ANGPT1: variants seen among roughly 807,000 people sequenced by gnomAD.
ANGPT1 encodes angiopoietin-1.
ANGPT1 carries 17 observed loss-of-function variants against 62.2 expected under a neutral mutation model. The observed-to-expected ratio is 0.27, with a 90% confidence interval of 0.19 to 0.41. ANGPT1 has a LOEUF of 0.41. Among genes scored for constraint, ANGPT1 ranks in the 10% least tolerant of loss-of-function variants. ANGPT1 has a pLI of 1.00. For synonymous variants in ANGPT1, 199 were observed against 198.9 expected (o/e 1.00, Z 0.00); for missense variants, 478 against 594.9 (o/e 0.80, Z 2.04).
chr8:107,470,426 G>C (rs1479805289), intron 1 of ANGPT1, among the ~76,000 whole-genome samples: 2 of 152,032 alleles, frequency 1.3e-5, no homozygotes, highest in Non-Finnish European at 2.9e-5. Context: ...GAATACATCA[G>C]ATTATAGCTA....
At chr8:107,481,912 G>A (rs1331731672) in intron 1 of ANGPT1, among the ~76,000 whole-genome samples, 1 of 152,060 alleles carries the variant, frequency 6.6e-6, no homozygotes, top group African/African-American at 2.4e-5. Flanking sequence ...CAACACGTGG[G>A]GATTATAGGA....
chr8:107,429,106 G>C (rs148428122), intron 1 of ANGPT1, among the ~76,000 whole-genome samples: 2 of 152,176 alleles, frequency 1.3e-5, no homozygotes, highest in Admixed American at 6.5e-5. Flanking sequence ...ACGCTTAAGG[G>C]AATGGATAAC....
At chr8:107,473,231 T>A (rs1812410048) in intron 1 of ANGPT1, among the ~76,000 whole-genome samples, 1 of 152,084 alleles carries the variant, frequency 6.6e-6, no homozygotes, top group African/African-American at 2.4e-5. Flanking sequence ...CAGAACCAGG[T>A]TTCTATTCAA....
chr8:107,338,020 T>TG (rs1815607496), intron 2 of ANGPT1, among the ~76,000 whole-genome samples: 1 of 152,082 alleles, frequency 6.6e-6, no homozygotes, highest in Non-Finnish European at 1.5e-5. Context: ...CACTTGGGCC[T>TG]GGCAGGCAGA....
chr8:107,333,968 AG>A lies in ANGPT1; in HGVS notation c.575+2181del, dbSNP rs1303356376. Among the ~76,000 whole-genome samples the A allele has an allele frequency of 1.0e-4, 10 of 99,844 alleles. No homozygotes were observed. In the East Asian group the frequency reaches 3.6e-3, roughly 36 times the overall value. The allele number at this position is 99,844 out of a possible 152,430, so 65.5% of individuals were successfully genotyped here. On this transcript the variant is annotated intron_variant, in intron 3 of 8. Coordinates refer to ENST00000517746, the MANE Select transcript of ANGPT1 (RefSeq NM_001146.5). The stretch of plus-strand genomic sequence containing the variant: ...AAAAAGAAAGAAAGAAAAGAAAGAA[AG>A]AAAGGAGGGAGGGAGGGAGGGAGGG...
chr8:107,389,664 A>T (rs1215842458), intron 1 of ANGPT1, among the ~76,000 whole-genome samples: 4 of 152,168 alleles, frequency 2.6e-5, no homozygotes, highest in African/African-American at 9.7e-5. Flanking sequence ...ATATAACAAA[A>T]ACAATTATAT....
chr8:107,468,754 G>A (rs1812271465), intron 1 of ANGPT1, among the ~76,000 whole-genome samples: 1 of 152,026 alleles, frequency 6.6e-6, no homozygotes, highest in African/African-American at 2.4e-5. Flanking sequence ...CAGGAGGCCT[G>A]TTGTAAGTGG....
chr8:107,300,795 A>G (rs1395077889), intron 5 of ANGPT1, among the ~76,000 whole-genome samples: 4 of 151,970 alleles, frequency 2.6e-5, no homozygotes, highest in Non-Finnish European at 1.5e-5. Context: ...AAGAAAACCC[A>G]AAAACTCCAT....
chr8:107,333,980 G>A (rs59336428), intron 3 of ANGPT1, among the ~76,000 whole-genome samples: 1 of 69,238 alleles, frequency 1.4e-5, no homozygotes, highest in African/African-American at 6.4e-5. Context: ...AAAGGAGGGA[G>A]GGAGGGAGGG....
chr8:107,350,500 C>T (rs1815909492), intron 1 of ANGPT1, among the ~76,000 whole-genome samples: 1 of 152,052 alleles, frequency 6.6e-6, no homozygotes, highest in African/African-American at 2.4e-5. Flanking sequence ...AGCTGTTGAC[C>T]ATTCTGTACT....
At chr8:107,253,055 G>T (rs117838730) in intron 8 of ANGPT1, among the ~76,000 whole-genome samples, 232 of 152,298 alleles carry the variant, frequency 1.5e-3, no homozygotes, top group Non-Finnish European at 2.8e-3. Flanking sequence ...ATGGAGAAAA[G>T]CTAGTTCTCA....
intron 1 of ANGPT1, among the ~76,000 whole-genome samples, chr8:107,370,293 A>G (rs562627530): frequency 1.3e-5 from 1 of 74,864 alleles, no homozygotes; most frequent in Admixed American, 1.9e-4. Context: ...AAAGAAAAGG[A>G]AAGAAGAAAG....
intron 1 of ANGPT1, among the ~76,000 whole-genome samples, chr8:107,409,737 T>C (rs1219336154): frequency 2.0e-5 from 3 of 152,118 alleles, no homozygotes; most frequent in African/African-American, 7.2e-5. Context: ...TTTGAAGACT[T>C]TTCTGAAGTC....
At chr8:107,320,771 A>C (rs997293725) in intron 4 of ANGPT1, among the ~76,000 whole-genome samples, 3 of 152,170 alleles carry the variant, frequency 2.0e-5, no homozygotes, top group Non-Finnish European at 4.4e-5. Flanking sequence ...GTAATAGAGA[A>C]ATATGAAATG....
intron 1 of ANGPT1, among the ~76,000 whole-genome samples, chr8:107,350,247 C>T (rs1815903817): frequency 6.6e-6 from 1 of 152,040 alleles, no homozygotes; most frequent in Non-Finnish European, 1.5e-5. Flanking sequence ...TATCAGATTC[C>T]CTGCTTATCA....
chr8:107,340,384 T>G (rs898281313), intron 2 of ANGPT1, among the ~76,000 whole-genome samples: 3 of 152,002 alleles, frequency 2.0e-5, no homozygotes, highest in Admixed American at 1.3e-4. Context: ...ATTTTAGTTC[T>G]TTTTTTTAAA....
intron 1 of ANGPT1, among the ~76,000 whole-genome samples, chr8:107,436,284 T>C (rs1363977902): frequency 1.3e-5 from 2 of 152,184 alleles, no homozygotes; most frequent in African/African-American, 4.8e-5. Flanking sequence ...GTATTCACAC[T>C]GGGCCTCAAT....
chr8:107,261,911 C>T (rs1813501184), intron 8 of ANGPT1, among the ~76,000 whole-genome samples: 2 of 151,220 alleles, frequency 1.3e-5, no homozygotes, highest in African/African-American at 4.9e-5. Flanking sequence ...TTATCCCAAA[C>T]CAGCTGGGTG....
chr8:107,394,389 A>G (rs1311478749), intron 1 of ANGPT1, among the ~76,000 whole-genome samples: 4 of 152,188 alleles, frequency 2.6e-5, no homozygotes, highest in Non-Finnish European at 5.9e-5. Flanking sequence ...GCATTTTTGC[A>G]GAAAGCCAGC....
Sources: allele counts gnomAD v4.1 joint callset (sites outside exome capture counted in the v4.1 genomes callset), GRCh38; gene constraint gnomAD v4.1.1; transcripts MANE v1.5; gene names NCBI Gene and HGNC (gene_info 2026-07-23, HGNC 2026-07-21).